SCFD2: variants seen among roughly 807,000 people sequenced by gnomAD.
The protein encoded by SCFD2 is sec1 family domain-containing protein 2.
A neutral mutation model predicts 58.9 loss-of-function variants in SCFD2; 54 were observed. The ratio of observed to expected loss-of-function variants is 0.92; its 90% CI spans 0.74 to 1.15. The LOEUF (loss-of-function observed/expected upper bound fraction) is 1.15. Among genes scored for constraint, SCFD2 ranks in the 50% most tolerant of loss-of-function variants. The pLI, the probability that SCFD2 is intolerant of heterozygous loss-of-function variation, is 0.00. For missense variants in SCFD2, 805 were observed against 836.6 expected, an observed-to-expected ratio of 0.96 and a Z score of 0.47; for synonymous variants, 321 against 335.9, an observed-to-expected ratio of 0.96 and a Z score of 0.49.
intron 6 of SCFD2, among the ~76,000 whole-genome samples, chr4:52,916,623 T>C (rs1032382738): frequency 3.9e-5 from 6 of 152,078 alleles, no homozygotes; most frequent in South Asian, 2.1e-4. Flanking sequence ...ACAGGCACAG[T>C]TGGGGGCTTA....
intron 5 of SCFD2, among the ~76,000 whole-genome samples, chr4:53,058,717 G>C (rs1723420190): frequency 1.3e-5 from 2 of 152,090 alleles, no homozygotes; most frequent in African/African-American, 4.8e-5. Flanking sequence ...CTCTGGGTTT[G>C]GGTCCTTTAT....
intron 4 of SCFD2, among the ~76,000 whole-genome samples, chr4:53,252,200 G>T (rs1730412972): frequency 7.4e-6 from 1 of 136,008 alleles, no homozygotes; most frequent in South Asian, 2.6e-4. Flanking sequence ...CCTCTTCAAG[G>T]AGAACTACAA....
intron 5 of SCFD2, among the ~76,000 whole-genome samples, chr4:52,952,248 T>G (rs1720613866): frequency 1.4e-5 from 1 of 71,790 alleles, no homozygotes; most frequent in Admixed American, 1.8e-4. Flanking sequence ...CACAGCCCCA[T>G]CCCCTCTCAC....
chr4:53,341,809 G>T (rs1426859718), intron 2 of SCFD2, among the ~76,000 whole-genome samples: 1 of 152,120 alleles, frequency 6.6e-6, no homozygotes, highest in East Asian at 1.9e-4. Context: ...TATTCAACAT[G>T]CTTAAAGAAA....
At chr4:53,101,041 T>TTGA (rs904471848) in intron 5 of SCFD2, among the ~76,000 whole-genome samples, 4 of 152,040 alleles carry the variant, frequency 2.6e-5, no homozygotes, top group African/African-American at 9.7e-5. Flanking sequence ...GACAGAAAAA[T>TTGA]GTCAAACACA....
At chr4:53,364,513 T>C (rs114417073) in intron 1 of SCFD2, among the ~76,000 whole-genome samples, 1,604 of 152,380 alleles carry the variant, frequency 0.011, 32 homozygotes, top group African/African-American at 0.036. Context: ...TGAGATTATT[T>C]ACTTAATCTT....
chr4:53,349,303 A>G (rs958426682), intron 2 of SCFD2, among the ~76,000 whole-genome samples: 16 of 152,238 alleles, frequency 1.1e-4, no homozygotes, highest in African/African-American at 3.6e-4. Flanking sequence ...GAAAACAGCA[A>G]CTAAATTTGG....
chr4:53,044,916 C>CCCTCCA (rs59844812), intron 5 of SCFD2, among the ~76,000 whole-genome samples: 1 of 110,288 alleles, frequency 9.1e-6, no homozygotes, highest in Non-Finnish European at 1.7e-5. Flanking sequence ...ACCCCCCCCC[C>CCCTCCA]CCGCCCACAA....
At chr4:53,312,722 G>T (rs1732728091) in intron 3 of SCFD2, among the ~76,000 whole-genome samples, 6 of 151,982 alleles carry the variant, frequency 3.9e-5, no homozygotes, top group Admixed American at 3.9e-4. Flanking sequence ...GTGTAATCAA[G>T]AACTTGGCCT....
At chr4:52,900,705 C>T (rs1435778897) in intron 7 of SCFD2, among the ~76,000 whole-genome samples, 1 of 152,186 alleles carries the variant, frequency 6.6e-6, no homozygotes, top group East Asian at 1.9e-4. Flanking sequence ...GAGGTTATTG[C>T]TGTCTTTTGT....
At chr4:52,939,429 CTA>C (rs1228430484) in intron 5 of SCFD2, among the ~76,000 whole-genome samples, 1 of 152,078 alleles carries the variant, frequency 6.6e-6, no homozygotes, top group Non-Finnish European at 1.5e-5. Flanking sequence ...TGTGATTATA[CTA>C]TGTTGTCTAT....
chr4:53,166,341 G>A (rs1727007735), intron 4 of SCFD2, among the ~76,000 whole-genome samples: 1 of 152,098 alleles, frequency 6.6e-6, no homozygotes, highest in Non-Finnish European at 1.5e-5. Flanking sequence ...TTTAATCTTT[G>A]TCAATATACA....
chr4:53,078,494 C>T (rs1724047697), intron 5 of SCFD2, among the ~76,000 whole-genome samples: 1 of 152,116 alleles, frequency 6.6e-6, no homozygotes, highest in East Asian at 1.9e-4. Context: ...CAATGTGTGC[C>T]TTTCTAAACA....
At chr4:53,251,157 C>A (rs1482130881) in intron 4 of SCFD2, among the ~76,000 whole-genome samples, 2 of 152,180 alleles carry the variant, frequency 1.3e-5, no homozygotes, top group Non-Finnish European at 2.9e-5. Flanking sequence ...TTCCTCGACA[C>A]ATACACTCTC....
chr4:52,969,897 G>T (rs1721054024), intron 5 of SCFD2, among the ~76,000 whole-genome samples: 1 of 152,186 alleles, frequency 6.6e-6, no homozygotes, highest in South Asian at 2.1e-4. Context: ...TGAACTGGAA[G>T]ACAACATGCA....
chr4:53,361,460 G>A lies in SCFD2; in HGVS notation c.838+3644C>T, dbSNP rs115086713. On this transcript the variant is annotated intron_variant, in intron 1 of 8. Transcript: ENST00000401642. ...CACCCAGACTGGAGTGCAATGGCAC[G>A]ATCACAGCTTACTGCAGCTTCAAAC... Among the ~76,000 whole-genome samples the A allele has an allele frequency of 4.6e-5, 7 of 152,298 alleles. No homozygotes were observed. In the East Asian group the frequency reaches 1.3e-3, roughly 29 times the overall value.
At chr4:53,308,606 C>G (rs1411025134) in intron 3 of SCFD2, among the ~76,000 whole-genome samples, 1 of 152,058 alleles carries the variant, frequency 6.6e-6, no homozygotes, top group East Asian at 1.9e-4. Flanking sequence ...TAAATGTGAT[C>G]AAAAACACAG....
In SCFD2 at chr4:53,242,793, C is replaced by T. The variant is rs570248646; in HGVS notation, c.1311+31033G>A. The stretch of plus-strand genomic sequence containing the variant: ...CAGTATAAAGAAGAATGTAGTCAAT[C>T]TGATATAGCTGAAAAGCCCACTACA... On this transcript the variant is annotated intron_variant, in intron 4 of 8. Transcript: ENST00000401642. 5.9e-5 allele frequency among the ~76,000 whole-genome samples: 9 copies of T among 152,268 alleles called. No individual in the cohort carries two copies. In the South Asian group the frequency reaches 1.9e-3, roughly 32 times the overall value.
chr4:52,883,281 C>A (rs925629914), intron 8 of SCFD2, among the ~76,000 whole-genome samples: 1 of 152,150 alleles, frequency 6.6e-6, no homozygotes, highest in Non-Finnish European at 1.5e-5. Context: ...AAAGGGAGAC[C>A]CGCCACAGCA....
Sources: allele counts gnomAD v4.1 joint callset (sites outside exome capture counted in the v4.1 genomes callset), GRCh38; gene constraint gnomAD v4.1.1; transcripts MANE v1.5; gene names NCBI Gene and HGNC (gene_info 2026-07-23, HGNC 2026-07-21).